NNT: variants seen among roughly 807,000 people sequenced by gnomAD.
NNT encodes the protein NAD(P) transhydrogenase, mitochondrial.
In NNT, 50 loss-of-function variants were observed where a neutral mutation model predicts 104.8. The ratio of observed to expected loss-of-function variants is 0.48; its 90% confidence interval spans 0.38 to 0.60. The LOEUF (loss-of-function observed/expected upper bound fraction) is 0.60. Among genes scored for constraint, NNT ranks in the 20% least tolerant of loss-of-function variants. The pLI is 0.00. For missense variants in NNT, 1,131 were observed against 1,330.7 expected (o/e 0.85, Z 2.33); for synonymous variants, 461 against 490.4 (o/e 0.94, Z 0.79).
At chr5:43,645,764 G>T (rs1739392175) in intron 10 of NNT, 1 of 129,472 alleles carries the variant, frequency 7.7e-6, no homozygotes, top group Admixed American at 9.1e-5. Flanking sequence ...GCCCAGGCTG[G>T]AGTGCAGTGG....
chr5:43,622,479 G>C (rs1356718176), intron 5 of NNT, among the ~76,000 whole-genome samples: 1 of 151,944 alleles, frequency 6.6e-6, no homozygotes. Context: ...TGTTGCTTAG[G>C]CTGGTCTTGA....
At chr5:43,610,298 G>GC (rs1334941151) in intron 2 of NNT, among the ~76,000 whole-genome samples, 1 of 149,004 alleles carries the variant, frequency 6.7e-6, no homozygotes, top group Non-Finnish European at 1.5e-5. Context: ...CGAGCAGGTT[G>GC]TCCCCCAAGT....
intron 20 of NNT, among the ~76,000 whole-genome samples, chr5:43,702,136 T>C (rs1742880368): frequency 6.6e-6 from 1 of 152,200 alleles, no homozygotes; most frequent in Non-Finnish European, 1.5e-5. Flanking sequence ...TTGTCAATTA[T>C]TGCATTGTTG....
At chr5:43,603,442 T>C (rs906476744) in intron 1 of NNT, 148 bp downstream of exon 1, 3 of 153,008 alleles carry the variant, frequency 2.0e-5, no homozygotes, top group African/African-American at 7.3e-5. Flanking sequence ...GTCGGCGGTG[T>C]CCCGGGCGCA....
chr5:43,668,744 G>T (rs1266999670), intron 17 of NNT, among the ~76,000 whole-genome samples: 1 of 152,196 alleles, frequency 6.6e-6, no homozygotes, highest in Admixed American at 6.5e-5. Flanking sequence ...TTTGGCTTAG[G>T]ATTGACCTGG....
chr5:43,660,661 G>A (rs1000870917), intron 17 of NNT, among the ~76,000 whole-genome samples: 1 of 152,158 alleles, frequency 6.6e-6, no homozygotes, highest in African/African-American at 2.4e-5. Context: ...GAGGCCACAG[G>A]AAGCTTACAA....
intron 5 of NNT, among the ~76,000 whole-genome samples, chr5:43,620,253 T>A (rs184081396): frequency 6.6e-6 from 1 of 152,016 alleles, no homozygotes; most frequent in East Asian, 1.9e-4. Context: ...GGAGTCTCAC[T>A]CTGTCACCCA....
chr5:43,698,610 G>A (rs932034765), intron 19 of NNT, among the ~76,000 whole-genome samples: 5 of 152,032 alleles, frequency 3.3e-5, no homozygotes, highest in Admixed American at 3.3e-4. Flanking sequence ...TTATTTAGAA[G>A]TTTGGTGATA....
intron 7 of NNT, among the ~76,000 whole-genome samples, chr5:43,628,714 G>A (rs1253936149): frequency 6.6e-6 from 1 of 152,070 alleles, no homozygotes; most frequent in Non-Finnish European, 1.5e-5. Context: ...AGCCTCCCAA[G>A]TAACTGGGAT....
At chr5:43,649,383 G>A (rs1013620800) in intron 11 of NNT, 75 bp downstream of exon 11, 38 of 1,502,844 alleles carry the variant, frequency 2.5e-5, no homozygotes, top group Middle Eastern at 3.5e-4. Context: ...TATCAATGCC[G>A]TTTATAAAGT....
At chr5:43,664,838 A>G (rs1447779767) in intron 17 of NNT, among the ~76,000 whole-genome samples, 3 of 152,222 alleles carry the variant, frequency 2.0e-5, no homozygotes, top group Admixed American at 1.3e-4. Flanking sequence ...GATAAAAATA[A>G]TTTCGTTTTT....
rs757960549 is a variant in NNT at position 43,677,757 on chromosome 5, C to T, written c.2827C>T (p.Pro943Ser). The change falls in exon 19 of 22, where the codon CCC becomes TCC. Residue 943 changes from proline (P) to serine (S), a missense_variant. Physicochemically the swap from Pro to Ser is moderately conservative, Grantham distance 74 (BLOSUM62 -1). Transcript: ENST00000344920. Reference protein sequence around the residue: ...YGLCAAKAQYPIADLVKMLTE... With the variant: ...YGLCAAKAQYSIADLVKMLTE... Reference sequence around the variant, plus strand: ...TCTCTGTGCAGCCAAAGCTCAATACCCCATTGCTGATTTGGTAAAGATGCT... The same window carrying T: ...TCTCTGTGCAGCCAAAGCTCAATACTCCATTGCTGATTTGGTAAAGATGCT... The T allele has an allele frequency of 5.0e-6, 8 of 1,613,464 alleles. No homozygotes were observed. The highest frequency in any genetic ancestry group is 3.3e-5 in the Admixed American group (2 of 59,980).
chr5:43,657,782 A>G (rs1740134914), intron 16 of NNT, among the ~76,000 whole-genome samples: 1 of 152,218 alleles, frequency 6.6e-6, no homozygotes, highest in Non-Finnish European at 1.5e-5. Flanking sequence ...AAAGAAAAAT[A>G]ATTTTGATAT....
At chr5:43,680,398 G>A (rs1467859248) in intron 19 of NNT, among the ~76,000 whole-genome samples, 1 of 152,118 alleles carries the variant, frequency 6.6e-6, no homozygotes, top group African/African-American at 2.4e-5. Flanking sequence ...ATCACTCTGT[G>A]GAGCTCCCAC....
intron 17 of NNT, among the ~76,000 whole-genome samples, chr5:43,669,673 T>G (rs1391615702): frequency 2.6e-5 from 4 of 152,122 alleles, no homozygotes; most frequent in African/African-American, 9.7e-5. Flanking sequence ...TACTGCTGGA[T>G]TTGGTTTGTG....
chr5:43,655,760 A>T, intron 14 of NNT, 80 bp from the exon 15 acceptor site: 1 of 964,068 alleles, frequency 1.0e-6, no homozygotes. Flanking sequence ...CAATGGTGGA[A>T]ATCCTTAAGG....
At chr5:43,673,083 C>T (rs1283932595) in intron 17 of NNT, among the ~76,000 whole-genome samples, 1 of 152,208 alleles carries the variant, frequency 6.6e-6, no homozygotes, top group Non-Finnish European at 1.5e-5. Flanking sequence ...CCCTCTGAGC[C>T]AGGCATGGGC....
chr5:43,702,493 T>G (rs1417703131), intron 20 of NNT, 128 bp from the exon 21 acceptor site: 1 of 577,578 alleles, frequency 1.7e-6, no homozygotes, highest in African/African-American at 1.9e-5. Context: ...GTAAAGTGCC[T>G]GGCACAAGTG....
intron 9 of NNT, among the ~76,000 whole-genome samples, 194 bp downstream of exon 9, chr5:43,644,996 T>C (rs1739305486): frequency 6.6e-6 from 1 of 152,166 alleles, no homozygotes; most frequent in African/African-American, 2.4e-5. Flanking sequence ...TAAAAGTACA[T>C]GACTTAACCA....
Sources: gnomAD v4.1 joint callset for allele counts (sites outside exome capture counted in the v4.1 genomes callset) on GRCh38, gnomAD v4.1.1 for gene constraint, MANE v1.5 for transcripts, NCBI Gene and HGNC (gene_info 2026-07-23, HGNC 2026-07-21) for gene names.